Variants in NRG3 observed in about 807,000 individuals in gnomAD.
The protein encoded by NRG3 is neuregulin 3.
A neutral mutation model predicts 66.9 loss-of-function variants in NRG3; 31 were observed. The observed-to-expected ratio is 0.46, with a 90% CI of 0.35 to 0.63. NRG3 has a LOEUF of 0.63. Among genes scored for constraint, NRG3 ranks in the 20% least tolerant of loss-of-function variants. The probability of loss-of-function intolerance (pLI) is 0.00; values close to 1 mark genes in which losing one functional copy is unlikely to be tolerated. For missense variants in NRG3, 910 were observed against 878.9 expected (o/e 1.04, Z -0.45); for synonymous variants, 393 against 359.4 (o/e 1.09, Z -1.06).
chr10:82,830,433 T>C (rs912212938), intron 3 of NRG3, among the ~76,000 whole-genome samples: 1 of 152,194 alleles, frequency 6.6e-6, no homozygotes, highest in Admixed American at 6.5e-5. Context: ...AGTCTGAGTA[T>C]ATTTATGAGT....
chr10:81,893,445 CT>C (rs150081828), intron 1 of NRG3, among the ~76,000 whole-genome samples: 4,655 of 151,108 alleles, frequency 0.031, 155 homozygotes, highest in African/African-American at 0.077. Flanking sequence ...ATGGAATGGA[CT>C]TTTTTTTTGC....
intron 3 of NRG3, among the ~76,000 whole-genome samples, chr10:82,843,598 A>C (rs1157016185): frequency 6.6e-6 from 1 of 152,236 alleles, no homozygotes; most frequent in Non-Finnish European, 1.5e-5. Context: ...ATTAGTTATT[A>C]AAATAAATAC....
intron 1 of NRG3, among the ~76,000 whole-genome samples, chr10:82,344,051 CTT>C (rs143803207): frequency 6.8e-6 from 1 of 146,656 alleles, no homozygotes; most frequent in Non-Finnish European, 1.5e-5. Flanking sequence ...AAAAAAACTG[CTT>C]TTTTTTTCTT....
intron 1 of NRG3, among the ~76,000 whole-genome samples, chr10:81,916,177 T>C (rs7080186): frequency 0.019 from 2,876 of 152,216 alleles, 80 homozygotes; most frequent in African/African-American, 0.063. Flanking sequence ...TTTCACCACT[T>C]ATGGCTAGTG....
chr10:82,177,001 A>G (rs77793370), intron 1 of NRG3, among the ~76,000 whole-genome samples: 1,916 of 151,804 alleles, frequency 0.013, 40 homozygotes, highest in African/African-American at 0.044. Flanking sequence ...GCTGCTTGCC[A>G]ATTAGGACAA....
chr10:81,906,670 A>G (rs1286916709), intron 1 of NRG3, among the ~76,000 whole-genome samples: 1 of 152,126 alleles, frequency 6.6e-6, no homozygotes, highest in Admixed American at 6.5e-5. Flanking sequence ...AGAACTTTGA[A>G]TTTATTCTGT....
At position 82,358,761 on chromosome 10, in the gene NRG3, G is replaced by A; in HGVS notation, c.846G>A (p.Glu282=). 6.2e-7 allele frequency: 1 copy of A among 1,614,134 alleles called. No individual in the cohort carries two copies. Among genetic ancestry groups the A allele is most frequent in the Non-Finnish European group, 8.5e-7 (1 of 1,180,018 alleles). The change falls in exon 2 of 9, where the codon GAG becomes GAA. Residue 282 remains glutamate (E), a synonymous_variant. Coordinates refer to ENST00000372141, the MANE Select transcript of NRG3 (RefSeq NM_001010848.4). ...CAGATACGACGACATATTCCACAGA[G>A]CGATCCGAGCACTTCAAACCCTGCC... ...PKFHTTTYST[E]RSEHFKPCRD... is the part of the protein sequence containing the mutation.
chr10:82,924,196 G>C (rs1186476457), intron 4 of NRG3, among the ~76,000 whole-genome samples: 4 of 151,796 alleles, frequency 2.6e-5, no homozygotes, highest in African/African-American at 7.3e-5. Flanking sequence ...AAATGTCAAG[G>C]CAGGGACCTA....
chr10:82,182,907 T>G (rs2133245295), intron 1 of NRG3, among the ~76,000 whole-genome samples: 1 of 152,070 alleles, frequency 6.6e-6, no homozygotes, highest in Non-Finnish European at 1.5e-5. Context: ...AATATTCTTG[T>G]TTGGCATTTT....
chr10:81,962,953 C>T lies in NRG3; in HGVS notation c.823+86790C>T, dbSNP rs565050837. ...GCCAGTTAAGACCTCTGCTTATAAC[C>T]GACACAACTCGCCCTGTTGCTCAGA... On this transcript the variant is annotated intron_variant, in intron 1 of 8. Coordinates refer to ENST00000372141, the MANE Select transcript of NRG3 (RefSeq NM_001010848.4). Among the ~76,000 whole-genome samples the T allele has an allele frequency of 4.3e-4, 66 of 152,140 alleles. 1 individual carries two copies. In the South Asian group the frequency reaches 0.012, roughly 27 times the overall value.
intron 1 of NRG3, among the ~76,000 whole-genome samples, chr10:82,209,457 A>G (rs1448143247): frequency 1.3e-5 from 2 of 152,208 alleles, no homozygotes; most frequent in African/African-American, 4.8e-5. Context: ...ATGATCATCT[A>G]TGTATAAGTA....
At chr10:82,043,062 A>G (rs7094235) in intron 1 of NRG3, among the ~76,000 whole-genome samples, 131,039 of 151,984 alleles carry the variant, frequency 0.86, 58,428 homozygotes, top group South Asian at 0.99. Flanking sequence ...GAGAATCTGT[A>G]GCAGTGTCAC....
At chr10:82,877,342 G>T (rs1039918113) in intron 4 of NRG3, among the ~76,000 whole-genome samples, 1 of 146,218 alleles carries the variant, frequency 6.8e-6, no homozygotes, top group South Asian at 2.2e-4. Context: ...AGACTCTCAA[G>T]AAGTTCACAG....
chr10:82,082,847 T>C (rs2065470531), intron 1 of NRG3, among the ~76,000 whole-genome samples: 1 of 152,228 alleles, frequency 6.6e-6, no homozygotes. Context: ...TTTCTCTTTT[T>C]ATTGCAAAGA....
chr10:82,818,395 A>T (rs540146491), intron 3 of NRG3, among the ~76,000 whole-genome samples: 2 of 152,244 alleles, frequency 1.3e-5, no homozygotes, highest in South Asian at 4.1e-4. Flanking sequence ...CTCAGGAGGG[A>T]TCAGACCATT....
intron 2 of NRG3, among the ~76,000 whole-genome samples, chr10:82,724,541 T>C (rs2057487109): frequency 6.6e-6 from 1 of 152,222 alleles, no homozygotes; most frequent in Non-Finnish European, 1.5e-5. Flanking sequence ...TCTAGGGGTT[T>C]CTAAAATGCC....
intron 1 of NRG3, among the ~76,000 whole-genome samples, chr10:82,284,966 T>G (rs191054019): frequency 3.9e-5 from 6 of 152,320 alleles, no homozygotes; most frequent in African/African-American, 1.4e-4. Flanking sequence ...AAATTAATAT[T>G]TTAGCTGTAT....
At chr10:81,938,987 A>G (rs1348244760) in intron 1 of NRG3, among the ~76,000 whole-genome samples, 7 of 152,058 alleles carry the variant, frequency 4.6e-5, no homozygotes, top group South Asian at 4.2e-4. Context: ...AATTTTGTCA[A>G]ATTCTTTTAC....
intron 4 of NRG3, among the ~76,000 whole-genome samples, chr10:82,905,691 C>A (rs1404926846): frequency 6.6e-6 from 1 of 152,086 alleles, no homozygotes; most frequent in African/African-American, 2.4e-5. Context: ...TTCCTGCTAA[C>A]CCCCGACCTC....
Sources: allele counts gnomAD v4.1 joint callset (sites outside exome capture counted in the v4.1 genomes callset), GRCh38; gene constraint gnomAD v4.1.1; transcripts MANE v1.5; gene names NCBI Gene and HGNC (gene_info 2026-07-23, HGNC 2026-07-21).